NBN: variants seen among roughly 807,000 people sequenced by gnomAD.
NBN encodes the protein Nijmegen breakage syndrome 1 (nibrin).
NBN carries 88 observed loss-of-function variants against 90.8 expected under a neutral mutation model. The ratio of observed to expected loss-of-function variants is 0.97; its 90% confidence interval spans 0.82 to 1.16. The LOEUF is 1.16. Among genes scored for constraint, NBN ranks in the 50% most tolerant of loss-of-function variants. The probability of loss-of-function intolerance (pLI) is 0.00; values close to 1 mark genes in which losing one functional copy is unlikely to be tolerated. For missense variants in NBN, 894 were observed against 869.6 expected, an observed-to-expected ratio of 1.03 and a Z score of -0.35; for synonymous variants, 328 against 295.1, an observed-to-expected ratio of 1.11 and a Z score of -1.14.
chr8:89,960,436 G>A (rs1229215696), intron 8 of NBN, among the ~76,000 whole-genome samples: 1 of 152,112 alleles, frequency 6.6e-6, no homozygotes, highest in East Asian at 1.9e-4. Flanking sequence ...GACTGCTTGA[G>A]GCCAGGAGTT....
chr8:89,966,666 A>G (rs747911779), intron 7 of NBN, among the ~76,000 whole-genome samples: 6 of 152,210 alleles, frequency 3.9e-5, no homozygotes, highest in Non-Finnish European at 8.8e-5. Context: ...AATCCAAACA[A>G]ACTTTAACAA....
chr8:89,968,731 G>C (rs898295169), intron 7 of NBN, among the ~76,000 whole-genome samples: 1 of 152,026 alleles, frequency 6.6e-6, no homozygotes, highest in Non-Finnish European at 1.5e-5. Context: ...CCACTGCCGG[G>C]TTACTGCTTC....
intron 9 of NBN, among the ~76,000 whole-genome samples, chr8:89,956,404 A>T (rs1810720491): frequency 6.6e-6 from 1 of 152,158 alleles, no homozygotes; most frequent in South Asian, 2.1e-4. Flanking sequence ...ACGGTTGTAA[A>T]TAGAAAATAA....
intron 5 of NBN, among the ~76,000 whole-genome samples, chr8:89,977,722 C>T (rs13312874): frequency 0.022 from 3,403 of 152,250 alleles, 125 homozygotes; most frequent in African/African-American, 0.077. Context: ...TCCACAGCCT[C>T]GCCAGCATCT....
At chr8:89,976,669 C>G (rs1446608734) in intron 5 of NBN, among the ~76,000 whole-genome samples, 1 of 152,154 alleles carries the variant, frequency 6.6e-6, no homozygotes, top group South Asian at 2.1e-4. Context: ...GCCCAGCCCC[C>G]TAGCTCACTC....
At chr8:89,940,352 G>A (rs1156775252) in intron 14 of NBN, among the ~76,000 whole-genome samples, 3 of 151,938 alleles carry the variant, frequency 2.0e-5, no homozygotes, top group Admixed American at 6.6e-5. Flanking sequence ...CTTAACTCCC[G>A]GGTTCAAGTG....
At chr8:89,940,227 G>C (rs961719463) in intron 14 of NBN, among the ~76,000 whole-genome samples, 2 of 151,972 alleles carry the variant, frequency 1.3e-5, no homozygotes, top group Non-Finnish European at 2.9e-5. Context: ...CTGGGACTAT[G>C]GGCACATGCA....
chr8:89,943,407 A>G (rs1349895865), intron 13 of NBN, 41 bp from the exon 14 acceptor site: 1 of 1,571,926 alleles, frequency 6.4e-7, no homozygotes, highest in Admixed American at 1.7e-5. Context: ...CATATTAACA[A>G]ACAAAAATGA....
intron 5 of NBN, among the ~76,000 whole-genome samples, chr8:89,975,508 T>C (rs1254463907): frequency 6.6e-6 from 1 of 152,202 alleles, no homozygotes; most frequent in Non-Finnish European, 1.5e-5. Flanking sequence ...TTAAGGCAAA[T>C]AACTAAATAT....
chr8:89,938,904 T>C (rs996046965), intron 14 of NBN, among the ~76,000 whole-genome samples: 1 of 152,196 alleles, frequency 6.6e-6, no homozygotes, highest in Non-Finnish European at 1.5e-5. Context: ...GGGAATAAAG[T>C]TGTAGCATAG....
intron 11 of NBN, among the ~76,000 whole-genome samples, chr8:89,951,703 C>A (rs1810455857): frequency 6.6e-6 from 1 of 152,112 alleles, no homozygotes; most frequent in Admixed American, 6.6e-5. Flanking sequence ...ACATACAAAT[C>A]TCTTGTTTCA....
chr8:89,973,136 G>A (rs1026048510), intron 5 of NBN, among the ~76,000 whole-genome samples: 1 of 152,140 alleles, frequency 6.6e-6, no homozygotes, highest in East Asian at 1.9e-4. Flanking sequence ...TCCACTAAGT[G>A]CCATGAGGGC....
intron 3 of NBN, 120 bp from the exon 4 acceptor site, chr8:89,981,013 T>A: frequency 2.3e-6 from 2 of 883,912 alleles, no homozygotes; most frequent in Non-Finnish European, 3.5e-6. Flanking sequence ...TATTTATTGT[T>A]ACCCTTTGTA....
intron 9 of NBN, among the ~76,000 whole-genome samples, chr8:89,958,517 C>G (rs34778594): frequency 1.3e-5 from 2 of 152,242 alleles, no homozygotes; most frequent in African/African-American, 4.8e-5. Context: ...GGACAGAGAT[C>G]AACAGTCTTC....
chr8:89,979,677 G>T (rs1670041467), intron 4 of NBN, among the ~76,000 whole-genome samples: 1 of 151,904 alleles, frequency 6.6e-6, no homozygotes, highest in Non-Finnish European at 1.5e-5. Context: ...TAACAACAAG[G>T]TTTTCTATTT....
At chr8:89,950,864 C>T (rs1394619377) in intron 11 of NBN, among the ~76,000 whole-genome samples, 1 of 151,956 alleles carries the variant, frequency 6.6e-6, no homozygotes, top group East Asian at 1.9e-4. Context: ...TGACATAAGC[C>T]CTGGGAGAAT....
chr8:89,976,512 TG>T (rs1811765481), intron 5 of NBN, among the ~76,000 whole-genome samples: 1 of 152,020 alleles, frequency 6.6e-6, no homozygotes, highest in Non-Finnish European at 1.5e-5. Context: ...TGCTCTCTCC[TG>T]GGAGGGGAAC....
chr8:89,964,607 A>T, intron 7 of NBN, 100 bp from the exon 8 acceptor site: 1 of 1,199,176 alleles, frequency 8.3e-7, no homozygotes, highest in Non-Finnish European at 1.2e-6. Context: ...TTCCTCCCAA[A>T]TAATTTTATG....
At chr8:89,943,722 T>C (rs1810057716) in intron 13 of NBN, among the ~76,000 whole-genome samples, 4 of 152,190 alleles carry the variant, frequency 2.6e-5, no homozygotes, top group African/African-American at 7.2e-5. Flanking sequence ...TTTGTTCTAA[T>C]GACTTCAAAG....
Sources: gnomAD v4.1 joint callset for allele counts (sites outside exome capture counted in the v4.1 genomes callset) on GRCh38, gnomAD v4.1.1 for gene constraint, MANE v1.5 for transcripts, NCBI Gene and HGNC (gene_info 2026-07-23, HGNC 2026-07-21) for gene names.